Variants in CHST15 observed in about 807,000 individuals in gnomAD.
CHST15 encodes B cell RAG associated protein (GALNAC4S-6ST).
In CHST15, 30 loss-of-function variants were observed where a neutral mutation model predicts 53.6. That is an observed-to-expected ratio of 0.56 (90% CI 0.42 to 0.76). CHST15 has a LOEUF of 0.76. Among genes scored for constraint, CHST15 ranks in the 30% least tolerant of loss-of-function variants. The probability of loss-of-function intolerance (pLI) is 0.00; values close to 1 mark genes in which losing one functional copy is unlikely to be tolerated. For missense variants in CHST15, 627 were observed against 740.5 expected (o/e 0.85, Z 1.78); for synonymous variants, 296 against 289.8 (o/e 1.02, Z -0.22).
rs748902428 is a variant in CHST15, at chr10:124,044,789, C to T, written c.677G>A (p.Arg226His). 3.1e-6 allele frequency: 5 copies of T among 1,608,894 alleles called. No homozygotes were observed. In the South Asian group the frequency reaches 4.4e-5, roughly 14 times the overall value. ...NSYVLYSKRF[R>H]STFDALRKAF... ...CTTGCGCAGGGCGTCGAAGGTGGAG[C>T]GGAAGCGCTTGGAGTAGAGCACGTA... Residue 226 changes from arginine (R) to histidine (H), a missense_variant, in exon 3 of 8, where the codon CGC (arginine) becomes CAC (histidine). Transcript: ENST00000435907.
At chr10:124,073,537 T>C (rs1446599320) in intron 1 of CHST15, among the ~76,000 whole-genome samples, 2 of 152,194 alleles carry the variant, frequency 1.3e-5, no homozygotes, top group Non-Finnish European at 2.9e-5. Context: ...ACACTTAGGA[T>C]AGATGCTCTT....
At chr10:124,082,112 G>A (rs1949267193) in intron 1 of CHST15, among the ~76,000 whole-genome samples, 1 of 152,122 alleles carries the variant, frequency 6.6e-6, no homozygotes, top group South Asian at 2.1e-4. Context: ...ACAGACAGAT[G>A]GGTGAAAGGA....
intron 1 of CHST15, among the ~76,000 whole-genome samples, chr10:124,092,030 G>A (rs986210030): frequency 6.6e-6 from 1 of 152,214 alleles, no homozygotes; most frequent in Non-Finnish European, 1.5e-5. Context: ...GCGCACGCCG[G>A]CCCATCGGTT....
intron 1 of CHST15, among the ~76,000 whole-genome samples, chr10:124,055,170 G>GGATT (rs376352590): frequency 1.3e-5 from 2 of 152,316 alleles, no homozygotes; most frequent in African/African-American, 4.8e-5. Flanking sequence ...CTTCTGAAAT[G>GGATT]GATTGTTCTT....
chr10:124,031,983 GCAGA>G (rs1222391416), intron 5 of CHST15, among the ~76,000 whole-genome samples: 4 of 152,138 alleles, frequency 2.6e-5, no homozygotes, highest in Admixed American at 2.0e-4. Context: ...CACACACTCT[GCAGA>G]CAGAGTGAAA....
intron 4 of CHST15, among the ~76,000 whole-genome samples, chr10:124,040,699 G>C (rs1250404119): frequency 1.3e-5 from 2 of 152,252 alleles, no homozygotes; most frequent in Non-Finnish European, 2.9e-5. Flanking sequence ...GGTGCAGACA[G>C]AGTCCAGGAA....
At chr10:124,020,207 C>G (rs761822277) in intron 6 of CHST15, 21 of 985,452 alleles carry the variant, frequency 2.1e-5, no homozygotes, top group Non-Finnish European at 2.3e-5. Context: ...CCTGGTACAG[C>G]AGCATTATTA....
intron 1 of CHST15, among the ~76,000 whole-genome samples, chr10:124,067,073 C>G (rs991854819): frequency 6.6e-6 from 1 of 152,250 alleles, no homozygotes; most frequent in Non-Finnish European, 1.5e-5. Flanking sequence ...AGTGACAAGA[C>G]AGTCGCACCC....
At chr10:124,029,450 G>A (rs1947135116) in intron 5 of CHST15, among the ~76,000 whole-genome samples, 1 of 152,290 alleles carries the variant, frequency 6.6e-6, no homozygotes, top group Non-Finnish European at 1.5e-5. Context: ...TTCCTACCAG[G>A]CCCTAGGTTC....
intron 1 of CHST15, among the ~76,000 whole-genome samples, chr10:124,052,403 C>T (rs771058695): frequency 7.2e-5 from 11 of 152,196 alleles, no homozygotes; most frequent in Non-Finnish European, 1.3e-4. Context: ...CACACCACTC[C>T]GTCAACATTC....
rs997786961 is a variant in CHST15, at chr10:124,019,316, G to A, written c.1347+1940C>T. 5.9e-5 allele frequency among the ~76,000 whole-genome samples: 9 copies of A among 152,182 alleles called. No individual in the cohort carries two copies. Among genetic ancestry groups the A allele is most frequent in the Non-Finnish European group, 1.2e-4 (8 of 68,026 alleles). On this transcript the variant is annotated intron_variant, in intron 6 of 7. Coordinates refer to ENST00000435907, the MANE Select transcript of CHST15 (RefSeq NM_001270764.2). This position sits in a 1 kb window ranked among gnomAD's most constrained non-coding sequence, Gnocchi z 4.6. ...CCCTCAGGGAGCTGCCTTGAGGACC[G>A]GGTGGGCTGCCCTGCCTGCTCTCTC...
chr10:124,066,288 GGAAA>G (rs1328788147), intron 1 of CHST15, among the ~76,000 whole-genome samples: 3 of 151,996 alleles, frequency 2.0e-5, no homozygotes, highest in African/African-American at 7.2e-5. Flanking sequence ...AGGCTGAAAT[GGAAA>G]GAAAGAGACG....
intron 1 of CHST15, among the ~76,000 whole-genome samples, chr10:124,055,495 C>A (rs1378070972): frequency 1.3e-5 from 2 of 152,196 alleles, no homozygotes; most frequent in Non-Finnish European, 2.9e-5. Flanking sequence ...ATTCCAGACA[C>A]CGGTGTCCAA....
intron 3 of CHST15, among the ~76,000 whole-genome samples, chr10:124,044,172 G>A (rs1294105326): frequency 1.0e-4 from 15 of 147,148 alleles, no homozygotes; most frequent in African/African-American, 2.9e-4. Flanking sequence ...GAGCTTGGGA[G>A]CGGCACAGAG....
At chr10:124,080,256 G>A (rs1487965246) in intron 1 of CHST15, among the ~76,000 whole-genome samples, 4 of 152,270 alleles carry the variant, frequency 2.6e-5, no homozygotes, top group South Asian at 2.1e-4. Context: ...TCTTTCTCCC[G>A]AGCATAAATG....
chr10:124,066,333 C>T (rs78334357), intron 1 of CHST15, among the ~76,000 whole-genome samples: 336 of 152,250 alleles, frequency 2.2e-3, no homozygotes, highest in African/African-American at 7.8e-3. Flanking sequence ...AGCTAACACA[C>T]TGCGAGTCTG....
rs752047909 is a variant in CHST15 at position 124,046,173 on chromosome 10, CG to C, written c.39del (p.Asp14ThrfsTer39). 6.2e-7 allele frequency: 1 copy of C among 1,613,214 alleles called. No individual in the cohort carries two copies. The highest frequency in any genetic ancestry group is 8.5e-7 in the Non-Finnish European group (1 of 1,179,532). On this transcript the variant is annotated frameshift_variant, in exon 2 of 8. Coordinates refer to ENST00000435907, the MANE Select transcript of CHST15 (RefSeq NM_001270764.2). LOFTEE classifies it high-confidence loss of function. Reference protein sequence around the residue: ...HCINCCIQLLPDGAHKQQVNC... With the variant: ...HCINCCIQLLXDGAHKQQVNC... ...TTGACCTGCTGCTTGTGTGCGCCGT[CG>C]GGTAACAGCTGTATGCAGCAATTAA...
At chr10:124,020,436 C>T (rs948999163) in intron 6 of CHST15, 1 of 985,524 alleles carries the variant, frequency 1.0e-6, no homozygotes, top group Non-Finnish European at 1.2e-6. Context: ...AGCCTGGAAT[C>T]CCACCTGCTG....
Position 124,073,420 on chromosome 10 carries a change from G to A in CHST15, c.-513+20049C>T, listed in dbSNP as rs1948981346. Among the ~76,000 whole-genome samples, 2 of 152,174 alleles carry A rather than the reference G, an allele frequency of 1.3e-5. 1 individual carries two copies. Among genetic ancestry groups the A allele is most frequent in the South Asian group, 4.1e-4 (2 of 4,836 alleles). On this transcript the variant is annotated intron_variant, in intron 1 of 7. Transcript: ENST00000435907. ...TTCCCTTGCATGGGTGCTGAGAGGTGGTTAATGACCAGAACAGAGCCCAGG... is the reference window on the plus strand; with the variant it reads ...TTCCCTTGCATGGGTGCTGAGAGGTAGTTAATGACCAGAACAGAGCCCAGG...
Sources: allele counts gnomAD v4.1 joint callset (sites outside exome capture counted in the v4.1 genomes callset), GRCh38; gene constraint gnomAD v4.1.1; non-coding constraint Gnocchi (gnomAD v3.1); transcripts MANE v1.5; gene names NCBI Gene and HGNC (gene_info 2026-07-23, HGNC 2026-07-21).